Variants in SCN10A observed in about 807,000 individuals in gnomAD.
The protein encoded by SCN10A is sodium voltage-gated channel alpha subunit 10.
Under a neutral mutation model 170.7 loss-of-function variants are expected in SCN10A, and 162 were observed. The ratio of observed to expected loss-of-function variants is 0.95; its 90% confidence interval spans 0.84 to 1.08. The LOEUF is 1.08. Among genes scored for constraint, SCN10A ranks in the 50% least tolerant of loss-of-function variants. The pLI is 0.00. For synonymous variants in SCN10A, 985 were observed against 904.6 expected, an observed-to-expected ratio of 1.09 and a Z score of -1.59; for missense variants, 2,527 against 2,436.9, an observed-to-expected ratio of 1.04 and a Z score of -0.78.
chr3:38,747,683 A>T (rs1203017390), intron 13 of SCN10A, among the ~76,000 whole-genome samples: 2 of 152,100 alleles, frequency 1.3e-5, no homozygotes, highest in East Asian at 1.9e-4. Flanking sequence ...CATTCATCCC[A>T]TGACCTTCTT....
At chr3:38,811,520 A>G (rs2064441380) in intron 1 of SCN10A, among the ~76,000 whole-genome samples, 1 of 152,182 alleles carries the variant, frequency 6.6e-6, no homozygotes, top group Non-Finnish European at 1.5e-5. Flanking sequence ...AAAACGATAT[A>G]TAGTGCTCAA....
chr3:38,709,471 C>A lies in SCN10A; in HGVS notation c.4281+7G>T, dbSNP rs751868849. 5 of 1,605,600 alleles carry A rather than the reference C, an allele frequency of 3.1e-6. No homozygotes were observed. Among genetic ancestry groups the A allele is most frequent in the Non-Finnish European group, 3.4e-6 (4 of 1,176,406 alleles). On this transcript the variant is annotated splice_region_variant and intron_variant, in intron 25 of 27. Coordinates refer to ENST00000449082, the MANE Select transcript of SCN10A (RefSeq NM_006514.4). Reference sequence around the variant, plus strand: ...GCAGAAACCAGAAACTCCTGAGCACCACTTATCTTTTTTTTCTGTTGATTG... The same window carrying A: ...GCAGAAACCAGAAACTCCTGAGCACAACTTATCTTTTTTTTCTGTTGATTG...
At chr3:38,706,244 A>G (rs6599244) in intron 26 of SCN10A, among the ~76,000 whole-genome samples, 21,785 of 152,250 alleles carry the variant, frequency 0.14, 1,772 homozygotes, top group East Asian at 0.31. Flanking sequence ...TGCAAATCCT[A>G]TACCTTGATT....
chr3:38,777,354 AC>A (rs1412958510), intron 4 of SCN10A, among the ~76,000 whole-genome samples: 4 of 152,098 alleles, frequency 2.6e-5, no homozygotes, highest in African/African-American at 9.6e-5. Context: ...TAATATTAAG[AC>A]AGTTTAGCAA....
At chr3:38,774,645 T>TAATATTCA (rs1250643198) in intron 4 of SCN10A, among the ~76,000 whole-genome samples, 2 of 152,328 alleles carry the variant, frequency 1.3e-5, no homozygotes, top group East Asian at 3.9e-4. Context: ...CAAAGATTCA[T>TAATATTCA]AATATTCAAA....
At chr3:38,782,721 T>G (rs2064153415) in intron 4 of SCN10A, among the ~76,000 whole-genome samples, 1 of 152,144 alleles carries the variant, frequency 6.6e-6, no homozygotes, top group Admixed American at 6.6e-5. Context: ...CTCTACTTAG[T>G]AACCATCTTC....
chr3:38,734,870 T>A (rs552701019), intron 15 of SCN10A, among the ~76,000 whole-genome samples: 1 of 152,050 alleles, frequency 6.6e-6, no homozygotes, highest in African/African-American at 2.4e-5. Context: ...GGCATAAGGA[T>A]TAGAAAAGAA....
intron 5 of SCN10A, among the ~76,000 whole-genome samples, chr3:38,765,081 T>C (rs1435616362): frequency 1.3e-5 from 2 of 152,226 alleles, no homozygotes; most frequent in Non-Finnish European, 2.9e-5. Context: ...TGCTGATTTA[T>C]TTGTGTTTCT....
chr3:38,701,852 A>T lies in SCN10A; in HGVS notation c.4644T>A (p.Val1548=). The T allele has an allele frequency of 6.2e-7, 1 of 1,608,712 alleles. No homozygotes were observed. The highest frequency in any genetic ancestry group is 8.5e-7 in the Non-Finnish European group (1 of 1,177,122). ...CTGCCCACTTACTCGCAATGGAGAG[A>T]ACCACCACAATGAAGTCAAACACAT... ...GWNVFDFIVV[V]LSIASLIFSA... The change falls in exon 27 of 28, where the codon GTT becomes GTA. Residue 1548 remains valine, a synonymous_variant. Transcript: ENST00000449082.
chr3:38,698,145 C>T lies in SCN10A; in HGVS notation c.5075G>A (p.Cys1692Tyr), dbSNP rs1559406584. The T allele has an allele frequency of 6.2e-7, 1 of 1,614,170 alleles. No individual in the cohort carries two copies. The highest frequency in any genetic ancestry group is 2.2e-5 in the East Asian group (1 of 44,884). Reference sequence around the variant, plus strand: ...GATGATGCCTACGGCTGGGCTCCCACAGTCCCCTCTGGTGCCATTGCTGTT... The same window carrying T: ...GATGATGCCTACGGCTGGGCTCCCATAGTCCCCTCTGGTGCCATTGCTGTT... Reference protein sequence around the residue: ...LPNSNGTRGDCGSPAVGIIFF... With the variant: ...LPNSNGTRGDYGSPAVGIIFF... Residue 1692 changes from cysteine to tyrosine, a missense_variant, in exon 28 of 28, where the codon TGT becomes TAT. Physicochemically the swap from Cys to Tyr is radical, Grantham distance 194. Coordinates refer to ENST00000449082, the MANE Select transcript of SCN10A (RefSeq NM_006514.4).
At chr3:38,708,891 C>G (rs1006013506) in intron 25 of SCN10A, among the ~76,000 whole-genome samples, 1 of 152,180 alleles carries the variant, frequency 6.6e-6, no homozygotes. Flanking sequence ...TCTAGAACAG[C>G]GCCTATCTAC....
chr3:38,756,052 C>A, intron 10 of SCN10A, 94 bp from the exon 11 acceptor site: 1 of 1,377,668 alleles, frequency 7.3e-7, no homozygotes, highest in South Asian at 1.2e-5. Context: ...GGTGAGAGAT[C>A]TGAAACAGAG....
intron 12 of SCN10A, among the ~76,000 whole-genome samples, chr3:38,751,590 T>A (rs2063747604): frequency 6.6e-6 from 1 of 152,180 alleles, no homozygotes; most frequent in African/African-American, 2.4e-5. Flanking sequence ...AGAAACATCA[T>A]TGCTGAAACT....
chr3:38,800,211 G>T (rs564436180), intron 1 of SCN10A, among the ~76,000 whole-genome samples: 2 of 152,266 alleles, frequency 1.3e-5, no homozygotes, highest in East Asian at 3.9e-4. Flanking sequence ...TGGCTTTGTG[G>T]ATAACAGCTC....
At chr3:38,721,397 C>T (rs2063388345) in intron 20 of SCN10A, among the ~76,000 whole-genome samples, 1 of 152,226 alleles carries the variant, frequency 6.6e-6, no homozygotes. Flanking sequence ...TGGGCTTTGA[C>T]TTCCTCATTT....
chr3:38,804,369 CT>C (rs578128582), intron 1 of SCN10A, among the ~76,000 whole-genome samples: 26 of 152,222 alleles, frequency 1.7e-4, no homozygotes, highest in Non-Finnish European at 2.9e-4. Context: ...CTTTAACTCT[CT>C]CTTCATTTTT....
chr3:38,722,269 T>C lies in SCN10A; in HGVS notation c.3496A>G (p.Ser1166Gly). 4 of 1,613,840 alleles carry C rather than the reference T, an allele frequency of 2.5e-6. No individual in the cohort carries two copies. The highest frequency in any genetic ancestry group is 2.2e-5 in the South Asian group (2 of 91,054). The change falls in exon 20 of 28, where the codon AGT (serine) becomes GGT (glycine). Residue 1166 changes from serine (S) to glycine (G), a missense_variant. Physicochemically the swap from Ser to Gly is moderately conservative, Grantham distance 56. Transcript: ENST00000449082. ...ATGCCTCCCCTTACCAGAGATCCACTGCTGAGCAGGATCATGAAGATGATG... is the reference window on the plus strand; with the variant it reads ...ATGCCTCCCCTTACCAGAGATCCACCGCTGAGCAGGATCATGAAGATGATG... Reference protein sequence around the residue: ...SFIIFMILLSSGSLAFEDYYL... With the variant: ...SFIIFMILLSGGSLAFEDYYL...
chr3:38,715,530 A>T (rs974947165), intron 21 of SCN10A, among the ~76,000 whole-genome samples: 4 of 152,092 alleles, frequency 2.6e-5, no homozygotes, highest in Non-Finnish European at 5.9e-5. Context: ...ATTCTACCCA[A>T]ATCAAATTGT....
intron 13 of SCN10A, among the ~76,000 whole-genome samples, chr3:38,743,587 C>G (rs569888576): frequency 6.6e-6 from 1 of 152,240 alleles, no homozygotes; most frequent in Non-Finnish European, 1.5e-5. Flanking sequence ...AATTGATTTC[C>G]AGTTCTCATC....
Sources: allele counts gnomAD v4.1 joint callset (sites outside exome capture counted in the v4.1 genomes callset), GRCh38; gene constraint gnomAD v4.1.1; transcripts MANE v1.5; gene names NCBI Gene and HGNC (gene_info 2026-07-23, HGNC 2026-07-21).